Variants in ACVR2A observed in about 807,000 individuals in gnomAD.
The protein encoded by ACVR2A is activin receptor type-2A.
Under a neutral mutation model 61.4 loss-of-function variants are expected in ACVR2A, and 7 were observed. That is an observed-to-expected ratio of 0.11 (90% CI 0.06 to 0.21). ACVR2A has a LOEUF of 0.21. Ranked by LOEUF, ACVR2A falls within the 10% of genes least tolerant of loss-of-function variation. The probability of loss-of-function intolerance (pLI) is 1.00; values close to 1 mark genes in which losing one functional copy is unlikely to be tolerated. For missense variants in ACVR2A, 322 were observed against 621.7 expected (o/e 0.52, Z 5.13); for synonymous variants, 193 against 208.3 (o/e 0.93, Z 0.63).
At chr2:147,881,670 T>A (rs546710675) in intron 1 of ACVR2A, among the ~76,000 whole-genome samples, 51 of 149,730 alleles carry the variant, frequency 3.4e-4, no homozygotes, top group East Asian at 9.9e-4. Context: ...TGGTTTTTTT[T>A]ATATTAGATT....
chr2:147,927,195 T>C lies in ACVR2A; in HGVS notation c.1463T>C (p.Ile488Thr), dbSNP rs141305891. Reference sequence around the variant, plus strand: ...ACCCAGATGCAGAGACTAACAAATATTATTACCACAGAGGACATTGTAACA... The same window carrying C: ...ACCCAGATGCAGAGACTAACAAATACTATTACCACAGAGGACATTGTAACA... ...RITQMQRLTN[I>T]ITTEDIVTVV... is the part of the protein sequence containing the mutation. The change falls in exon 11 of 11, where the codon ATT becomes ACT. Residue 488 changes from isoleucine (I) to threonine (T), a missense_variant. Transcript: ENST00000241416. 13 of 1,612,284 alleles carry C rather than the reference T, an allele frequency of 8.1e-6. No individual in the cohort carries two copies. In the African/African-American group the frequency reaches 1.5e-4, roughly 18 times the overall value.
chr2:147,852,942 CAG>C (rs969075934), intron 1 of ACVR2A, among the ~76,000 whole-genome samples: 6 of 152,042 alleles, frequency 3.9e-5, no homozygotes, highest in East Asian at 1.9e-4. Context: ...AGGACAATCT[CAG>C]GGGGTTAACC....
intron 1 of ACVR2A, among the ~76,000 whole-genome samples, chr2:147,846,716 A>G (rs1685321055): frequency 6.6e-6 from 1 of 152,232 alleles, no homozygotes; most frequent in African/African-American, 2.4e-5. Flanking sequence ...AGGCCTTGAT[A>G]ACATTAAACC....
intron 1 of ACVR2A, among the ~76,000 whole-genome samples, chr2:147,857,552 CA>C (rs1408059262): frequency 2.8e-5 from 3 of 107,658 alleles, no homozygotes; most frequent in South Asian, 6.6e-4. Context: ...AAAAAAAAAA[CA>C]AAAAAACCCC....
chr2:147,910,665 A>G (rs1252248129), intron 4 of ACVR2A, among the ~76,000 whole-genome samples: 1 of 152,100 alleles, frequency 6.6e-6, no homozygotes, highest in Admixed American at 6.5e-5. Flanking sequence ...AGCCTTCCCT[A>G]CCACTGGTGA....
At chr2:147,906,302 A>G (rs1191195734) in intron 4 of ACVR2A, among the ~76,000 whole-genome samples, 2 of 152,084 alleles carry the variant, frequency 1.3e-5, no homozygotes, top group African/African-American at 2.4e-5. Context: ...CCGCTCACTC[A>G]ATGCTTGATT....
chr2:147,875,077 G>T (rs567631466), intron 1 of ACVR2A, among the ~76,000 whole-genome samples: 13 of 151,920 alleles, frequency 8.6e-5, no homozygotes, highest in African/African-American at 2.7e-4. Context: ...GATTATAGAC[G>T]TTCAAACCAG....
intron 4 of ACVR2A, among the ~76,000 whole-genome samples, chr2:147,904,882 A>G (rs1686951075): frequency 6.6e-6 from 1 of 152,116 alleles, no homozygotes; most frequent in African/African-American, 2.4e-5. Context: ...TTTATTGAGT[A>G]TTTAATATGC....
At chr2:147,850,191 T>G (rs1685409884) in intron 1 of ACVR2A, among the ~76,000 whole-genome samples, 1 of 152,102 alleles carries the variant, frequency 6.6e-6, no homozygotes, top group Non-Finnish European at 1.5e-5. Flanking sequence ...TCCCTTTTCT[T>G]CCCCTGACCC....
At chr2:147,901,246 A>G (rs1421358782) in intron 4 of ACVR2A, among the ~76,000 whole-genome samples, 1 of 152,048 alleles carries the variant, frequency 6.6e-6, no homozygotes, top group East Asian at 1.9e-4. Context: ...AATTTAGAAG[A>G]GAGAGTATTC....
intron 1 of ACVR2A, among the ~76,000 whole-genome samples, chr2:147,873,038 A>C (rs1686062091): frequency 6.6e-6 from 1 of 151,950 alleles, no homozygotes; most frequent in Non-Finnish European, 1.5e-5. Context: ...AAATGCCCAC[A>C]TACATTATTT....
chr2:147,868,907 A>G (rs1685942825), intron 1 of ACVR2A, among the ~76,000 whole-genome samples: 1 of 152,114 alleles, frequency 6.6e-6, no homozygotes, highest in South Asian at 2.1e-4. Context: ...TGCTGGGATT[A>G]CAGACGTGAG....
intron 1 of ACVR2A, among the ~76,000 whole-genome samples, chr2:147,895,674 A>G (rs1686715037): frequency 6.6e-6 from 1 of 152,192 alleles, no homozygotes. Flanking sequence ...CGATAAATAC[A>G]GTTCAGTACT....
chr2:147,866,065 T>G (rs1181973889), intron 1 of ACVR2A, among the ~76,000 whole-genome samples: 1 of 151,964 alleles, frequency 6.6e-6, no homozygotes, highest in Non-Finnish European at 1.5e-5. Flanking sequence ...CCGAGGACAG[T>G]TAGAGAGTAG....
chr2:147,867,215 G>A (rs1024785135), intron 1 of ACVR2A, among the ~76,000 whole-genome samples: 6 of 152,138 alleles, frequency 3.9e-5, no homozygotes, highest in Non-Finnish European at 8.8e-5. Context: ...GTAGTGAAAT[G>A]TAGATGAGGA....
chr2:147,845,108 A>T lies in ACVR2A; in HGVS notation c.-45A>T, dbSNP rs1573905962. 6.4e-7 allele frequency: 1 copy of T among 1,554,084 alleles called. No homozygotes were observed. Among genetic ancestry groups the T allele is most frequent in the Non-Finnish European group, 8.7e-7 (1 of 1,146,346 alleles). The stretch of plus-strand genomic sequence containing the variant: ...CTCCGAGGAAGACCCAGGGAACTGG[A>T]TATCTAGCGAGAACTTCCTCCGGAT... On this transcript the variant is annotated 5_prime_UTR_variant, in exon 1 of 11. Coordinates refer to ENST00000241416, the MANE Select transcript of ACVR2A (RefSeq NM_001616.5).
chr2:147,896,559 C>T (rs745467831), intron 2 of ACVR2A, 51 bp downstream of exon 2: 1 of 1,550,576 alleles, frequency 6.4e-7, no homozygotes, highest in East Asian at 2.3e-5. Flanking sequence ...TTTCACACTT[C>T]CCCTCTTTTT....
chr2:147,851,061 A>G (rs1373225951), intron 1 of ACVR2A, among the ~76,000 whole-genome samples: 1 of 152,116 alleles, frequency 6.6e-6, no homozygotes, highest in Non-Finnish European at 1.5e-5. Context: ...TTTTCTAGCT[A>G]AGATTCACCA....
rs200249868 is a variant in ACVR2A, at chr2:147,882,816, GA to G, written c.56-13477del. Among the ~76,000 whole-genome samples, 60 of 151,338 alleles carry G rather than the reference GA, an allele frequency of 4.0e-4. No homozygotes were observed. In the East Asian group the frequency reaches 8.6e-3, roughly 22 times the overall value. On this transcript the variant is annotated intron_variant, in intron 1 of 10. Coordinates refer to ENST00000241416, the MANE Select transcript of ACVR2A (RefSeq NM_001616.5). ...AAGTATGGGGTATTACAGACAAGAGGAAAAAAAATTTCTGGGAAGAAAGCCA... is the reference window on the plus strand; with the variant it reads ...AAGTATGGGGTATTACAGACAAGAGGAAAAAAATTTCTGGGAAGAAAGCCA...
Sources: allele counts gnomAD v4.1 joint callset (sites outside exome capture counted in the v4.1 genomes callset), GRCh38; gene constraint gnomAD v4.1.1; transcripts MANE v1.5; gene names NCBI Gene and HGNC (gene_info 2026-07-23, HGNC 2026-07-21).